AADAC: variants seen among roughly 807,000 people sequenced by gnomAD.
AADAC encodes the protein arylacetamide deacetylase.
Under a neutral mutation model 22.7 loss-of-function variants are expected in AADAC, and 17 were observed. That is an observed-to-expected ratio of 0.75 (90% CI 0.51 to 1.12). The LOEUF (loss-of-function observed/expected upper bound fraction) is 1.12, where lower values mean the gene tolerates loss of function less well. Ranked by LOEUF, AADAC falls within the 50% of genes most tolerant of loss-of-function variation. The probability of loss-of-function intolerance (pLI) is 0.00; values close to 1 mark genes in which losing one functional copy is unlikely to be tolerated. For missense variants in AADAC, 465 were observed against 473.9 expected (o/e 0.98, Z 0.17); for synonymous variants, 167 against 176.3 (o/e 0.95, Z 0.42).
chr3:151,816,034 A>C (rs1229431207), intron 1 of AADAC, among the ~76,000 whole-genome samples: 1 of 152,032 alleles, frequency 6.6e-6, no homozygotes, highest in African/African-American at 2.4e-5. Context: ...CACTTTCCTC[A>C]TATCTGACAT....
At position 151,827,835 on chromosome 3, in the gene AADAC, C is replaced by T; in HGVS notation, c.863C>T (p.Pro288Leu). 1 of 1,613,264 alleles carries T rather than the reference C, an allele frequency of 6.2e-7. No homozygotes were observed. The highest frequency in any genetic ancestry group is 8.5e-7 in the Non-Finnish European group (1 of 1,179,616). ...TTTGTTAATTGGAGTTCCCTGCTCC[C>T]TGAGAGGTTTATAAAAGGACATGTT... ...FKFVNWSSLL[P>L]ERFIKGHVYN... The change falls in exon 5 of 5, where the codon CCT becomes CTT. Residue 288 changes from proline to leucine, a missense_variant. By Grantham distance (98) the Pro-to-Leu change is moderately conservative. Coordinates refer to ENST00000232892, the MANE Select transcript of AADAC (RefSeq NM_001086.3).
chr3:151,819,229 C>A (rs1414436304), intron 2 of AADAC, among the ~76,000 whole-genome samples: 1 of 151,838 alleles, frequency 6.6e-6, no homozygotes, highest in Non-Finnish European at 1.5e-5. Context: ...CAGCAAAGCA[C>A]TGAGGTGGTC....
Position 151,814,236 on chromosome 3 carries a change from A to T in AADAC, c.74A>T (p.Asp25Val), listed in dbSNP as rs568566549. 45 of 1,613,290 alleles carry T rather than the reference A, an allele frequency of 2.8e-5. No individual in the cohort carries two copies. In the South Asian group the frequency reaches 4.7e-4, roughly 17 times the overall value. Reference sequence around the variant, plus strand: ...TATTATATTTATACGCCTCTCCCAGATAACGTTGAGGAGCCATGGAGAATG... The same window carrying T: ...TATTATATTTATACGCCTCTCCCAGTTAACGTTGAGGAGCCATGGAGAATG... Reference protein sequence around the residue: ...IAYYIYTPLPDNVEEPWRMMW... With the variant: ...IAYYIYTPLPVNVEEPWRMMW... The change falls in exon 1 of 5, where the codon GAT becomes GTT. Residue 25 changes from aspartate to valine, a missense_variant. By Grantham distance (152) the Asp-to-Val change is radical. Coordinates refer to ENST00000232892, the MANE Select transcript of AADAC (RefSeq NM_001086.3).
chr3:151,824,944 A>C (rs62272917), intron 4 of AADAC, 110 bp downstream of exon 4: 87,191 of 813,078 alleles, frequency 0.11, 5,841 homozygotes, highest in Non-Finnish European at 0.12. Context: ...CAAATAGGAG[A>C]TATTGATTTT....
Position 151,828,328 on chromosome 3 carries a change from GATTTC to G in AADAC, c.*163_*167del. ...TTCTGTTTTTTTTTTCTTACTGTGG[GATTTC>G]ATTTCAATTTTCTACATTGTCTATC... is the stretch of plus-strand genomic sequence containing the variant. On this transcript the variant is annotated 3_prime_UTR_variant, in exon 5 of 5. Transcript: ENST00000232892. 2.4e-6 allele frequency: 1 copy of G among 421,354 alleles called. No homozygotes were observed. The highest frequency in any genetic ancestry group is 3.6e-5 in the East Asian group (1 of 27,460). 26.1% of individuals were successfully genotyped at this position (421,354 alleles called of 1,614,324 possible).
In AADAC at chr3:151,827,617, G is replaced by C; in HGVS notation, c.645G>C (p.Gln215His). The change falls in exon 5 of 5, where the codon CAG (glutamine) becomes CAC (histidine). Residue 215 changes from glutamine (Q) to histidine (H), a missense_variant. Physicochemically the swap from Gln to His is conservative, Grantham distance 24. Coordinates refer to ENST00000232892, the MANE Select transcript of AADAC (RefSeq NM_001086.3). The stretch of plus-strand genomic sequence containing the variant: ...ATGTCAAGATCAAACTCAAGATCCA[G>C]TCTTTAATTTATCCTGCCCTTCAGC... Reference protein sequence around the residue: ...DPDVKIKLKIQSLIYPALQPL... With the variant: ...DPDVKIKLKIHSLIYPALQPL... The C allele has an allele frequency of 6.3e-7, 1 of 1,597,914 alleles. No individual in the cohort carries two copies. The highest frequency in any genetic ancestry group is 8.5e-7 in the Non-Finnish European group (1 of 1,171,904).
At chr3:151,827,470 T>C (rs1461595410) in intron 4 of AADAC, 106 bp from the exon 5 acceptor site, 2 of 707,680 alleles carry the variant, frequency 2.8e-6, no homozygotes, top group Non-Finnish European at 4.6e-6. Flanking sequence ...AGATCATGAA[T>C]AGATAGATAG....
At chr3:151,816,077 G>C (rs988649187) in intron 1 of AADAC, among the ~76,000 whole-genome samples, 3 of 151,954 alleles carry the variant, frequency 2.0e-5, no homozygotes, top group African/African-American at 7.2e-5. Context: ...TCCCATATAA[G>C]CAAGTTGTTA....
intron 3 of AADAC, 60 bp downstream of exon 3, chr3:151,820,512 CTTTCTT>C: frequency 1.6e-6 from 1 of 615,070 alleles, no homozygotes. Flanking sequence ...ATTTTCTCAG[CTTTCTT>C]TTTTTTTTTT....
intron 3 of AADAC, among the ~76,000 whole-genome samples, chr3:151,821,049 C>T (rs547106113): frequency 1.3e-5 from 2 of 151,704 alleles, no homozygotes; most frequent in East Asian, 1.9e-4. Context: ...ATTACCTGGA[C>T]GGTATTTCCT....
chr3:151,814,385 GATTTA>G lies in AADAC; in HGVS notation c.138+86_138+90del. The stretch of plus-strand genomic sequence containing the variant: ...AAGTTTTTCAAGATTCTATTCTTTT[GATTTA>G]TTGACTTATTCATCTTTTAAAATAA... On this transcript the variant is annotated intron_variant, in intron 1 of 4. Transcript: ENST00000232892. The G allele has an allele frequency of 2.2e-6, 3 of 1,336,464 alleles. No individual in the cohort carries two copies. In the South Asian group the frequency reaches 4.6e-5, roughly 20 times the overall value. The allele number at this position is 1,336,464 out of a possible 1,614,324, so 82.8% of individuals were successfully genotyped here. A position where few individuals can be genotyped will look rare whatever the true frequency, so the allele number is the denominator to read the frequency against.
chr3:151,821,922 A>C (rs1484856477), intron 3 of AADAC, among the ~76,000 whole-genome samples: 1 of 151,884 alleles, frequency 6.6e-6, no homozygotes, highest in Non-Finnish European at 1.5e-5. Context: ...ATGTACTTGA[A>C]AGATAAAATA....
chr3:151,814,343 AT>A, intron 1 of AADAC, 43 bp downstream of exon 1: 1 of 1,550,732 alleles, frequency 6.4e-7, no homozygotes, highest in Non-Finnish European at 8.7e-7. Context: ...ATACACCACC[AT>A]TTGACCCAGA....
intron 2 of AADAC, 124 bp from the exon 3 acceptor site, chr3:151,820,259 G>A (rs963648558): frequency 2.2e-5 from 12 of 533,978 alleles, no homozygotes; most frequent in African/African-American, 1.7e-4. Context: ...TTTGTCTCTC[G>A]TATTTTAAGG....
chr3:151,814,913 A>G (rs1715920752), intron 1 of AADAC, among the ~76,000 whole-genome samples: 1 of 151,942 alleles, frequency 6.6e-6, no homozygotes, highest in African/African-American at 2.4e-5. Context: ...ATATTTTACT[A>G]TTACTTCTTT....
At chr3:151,819,860 A>G (rs1716160404) in intron 2 of AADAC, among the ~76,000 whole-genome samples, 1 of 151,992 alleles carries the variant, frequency 6.6e-6, no homozygotes, top group Non-Finnish European at 1.5e-5. Flanking sequence ...TGCAAGCAGT[A>G]AGTTCCAGTG....
At position 151,817,471 on chromosome 3, in the gene AADAC, A is replaced by G. The variant is rs1175268022; in HGVS notation, c.244A>G (p.Thr82Ala). Residue 82 changes from threonine (T) to alanine (A), a missense_variant, in exon 2 of 5, where the codon ACT (threonine) becomes GCT (alanine). Coordinates refer to ENST00000232892, the MANE Select transcript of AADAC (RefSeq NM_001086.3). ...AACCTCAGATGAAAATGTCACTGTG[A>G]CTGAGACAAAATTCAACAACATTCT... ...PPTSDENVTV[T>A]ETKFNNILVR... The G allele has an allele frequency of 1.3e-5, 21 of 1,613,648 alleles. No homozygotes were observed. Among genetic ancestry groups the G allele is most frequent in the Non-Finnish European group, 1.7e-5 (20 of 1,179,716 alleles).
chr3:151,821,658 T>C (rs1361646416), intron 3 of AADAC, among the ~76,000 whole-genome samples: 1 of 152,030 alleles, frequency 6.6e-6, no homozygotes, highest in African/African-American at 2.4e-5. Flanking sequence ...ATTCCAACTT[T>C]ATACTTAAAG....
At chr3:151,820,584 C>A in intron 3 of AADAC, 132 bp downstream of exon 3, 1 of 454,872 alleles carries the variant, frequency 2.2e-6, no homozygotes. Flanking sequence ...GTGGCAGGAT[C>A]TCGGCTCCCT....
Sources: gnomAD v4.1 joint callset for allele counts (sites outside exome capture counted in the v4.1 genomes callset) on GRCh38, gnomAD v4.1.1 for gene constraint, MANE v1.5 for transcripts, NCBI Gene and HGNC (gene_info 2026-07-23, HGNC 2026-07-21) for gene names.